AKAP9: variants seen among roughly 807,000 people sequenced by gnomAD.
AKAP9 encodes A-kinase anchoring protein 9, also known as A-kinase anchor protein 9.
A neutral mutation model predicts 488.5 loss-of-function variants in AKAP9; 311 were observed. That is an observed-to-expected ratio of 0.64 (90% CI 0.58 to 0.70). The LOEUF is 0.70. Among genes scored for constraint, AKAP9 ranks in the 30% least tolerant of loss-of-function variants. AKAP9 has a pLI of 0.00. For missense variants in AKAP9, 4,215 were observed against 4,374.5 expected, an observed-to-expected ratio of 0.96 and a Z score of 1.03; for synonymous variants, 1,462 against 1,483.5, an observed-to-expected ratio of 0.99 and a Z score of 0.33.
chr7:91,967,039 A>G (rs1394235901), intron 1 of AKAP9, among the ~76,000 whole-genome samples: 2 of 151,856 alleles, frequency 1.3e-5, no homozygotes, highest in African/African-American at 4.8e-5. Flanking sequence ...TTACTTCTTT[A>G]GTTAAATTGA....
intron 1 of AKAP9, among the ~76,000 whole-genome samples, chr7:91,945,297 AGGAGTTTGAGACCAGCCT>A (rs1554369331): frequency 6.6e-6 from 1 of 152,228 alleles, no homozygotes; most frequent in Non-Finnish European, 1.5e-5. Flanking sequence ...ATCTGAGGTC[AGGAGTTTGAGACCAGCCT>A]GGCCAACATG....
chr7:92,036,341 G>A (rs546040335), intron 16 of AKAP9, among the ~76,000 whole-genome samples: 1 of 151,554 alleles, frequency 6.6e-6, no homozygotes, highest in South Asian at 2.1e-4. Context: ...AGATGGGTCT[G>A]TCAGCCAGGC....
At chr7:91,945,404 G>A (rs1791342296) in intron 1 of AKAP9, among the ~76,000 whole-genome samples, 1 of 152,166 alleles carries the variant, frequency 6.6e-6, no homozygotes. Flanking sequence ...CTACTGGGGA[G>A]GTGGAGGCAG....
At chr7:92,016,911 C>G (rs909046521) in intron 11 of AKAP9, 106 bp from the exon 12 acceptor site, 15 of 828,374 alleles carry the variant, frequency 1.8e-5, no homozygotes, top group Admixed American at 6.3e-5. Context: ...AGGTTTACTT[C>G]TAGCAGGCAA....
At chr7:91,984,576 T>A (rs1441967470) in intron 3 of AKAP9, among the ~76,000 whole-genome samples, 1 of 152,216 alleles carries the variant, frequency 6.6e-6, no homozygotes, top group Non-Finnish European at 1.5e-5. Context: ...TGCCCCCAGC[T>A]TTGTTCCTTT....
Position 92,083,152 on chromosome 7 carries a change from C to G in AKAP9, c.8161-18C>G, listed in dbSNP as rs1300494232. On this transcript the variant is annotated intron_variant, in intron 32 of 49. Coordinates refer to ENST00000356239, the MANE Select transcript of AKAP9 (RefSeq NM_005751.5). The stretch of plus-strand genomic sequence containing the variant: ...GATTTTAACTGAATGCCCTACTGTT[C>G]TATTCATTACGTTTTAGGTAAAAGA... 3.7e-6 allele frequency: 6 copies of G among 1,612,920 alleles called. No individual in the cohort carries two copies. Among genetic ancestry groups the G allele is most frequent in the South Asian group, 1.1e-5 (1 of 90,878 alleles).
chr7:92,094,725 C>T (rs1044467096), intron 39 of AKAP9, among the ~76,000 whole-genome samples: 1 of 149,020 alleles, frequency 6.7e-6, no homozygotes, highest in African/African-American at 2.5e-5. Flanking sequence ...CCCAGCTACC[C>T]GGGAGGCTGA....
chr7:91,981,797 G>T (rs1014328057), intron 3 of AKAP9, among the ~76,000 whole-genome samples: 1 of 151,556 alleles, frequency 6.6e-6, no homozygotes, highest in Non-Finnish European at 1.5e-5. Context: ...GTAGAGACGG[G>T]GTTTCACCAT....
chr7:91,959,896 C>T (rs1793522714), intron 1 of AKAP9, among the ~76,000 whole-genome samples: 1 of 152,116 alleles, frequency 6.6e-6, no homozygotes, highest in Admixed American at 6.6e-5. Context: ...TTTAAAGCAT[C>T]CTTAAAATGT....
At chr7:92,062,646 A>C (rs548451581) in intron 24 of AKAP9, among the ~76,000 whole-genome samples, 160 bp downstream of exon 24, 1 of 152,234 alleles carries the variant, frequency 6.6e-6, no homozygotes, top group African/African-American at 2.4e-5. Flanking sequence ...TAAATGTCTT[A>C]TTAGCCAATC....
intron 18 of AKAP9, 106 bp downstream of exon 18, chr7:92,041,004 A>ATTT (rs34494828): frequency 3.3e-4 from 254 of 759,476 alleles, no homozygotes; most frequent in Non-Finnish European, 3.7e-4. Flanking sequence ...TGTAGCCATA[A>ATTT]TTTTTTTTTT....
chr7:91,969,156 C>T (rs1189111924), intron 1 of AKAP9, among the ~76,000 whole-genome samples: 4 of 152,114 alleles, frequency 2.6e-5, no homozygotes, highest in Admixed American at 6.5e-5. Flanking sequence ...ACTCAAAGTG[C>T]TGGGATTACA....
At chr7:91,992,520 C>T (rs1359652284) in intron 4 of AKAP9, among the ~76,000 whole-genome samples, 4 of 151,878 alleles carry the variant, frequency 2.6e-5, no homozygotes, top group East Asian at 3.9e-4. Flanking sequence ...AAAAATTAGC[C>T]GGGCATGGTG....
intron 3 of AKAP9, among the ~76,000 whole-genome samples, chr7:91,981,958 G>A (rs1040950665): frequency 6.6e-6 from 1 of 152,082 alleles, no homozygotes; most frequent in African/African-American, 2.4e-5. Flanking sequence ...TAAACTGCCT[G>A]TATCTCTGGG....
In AKAP9 at chr7:92,038,765, G is replaced by C; in HGVS notation, c.4685G>C (p.Arg1562Thr). 1 of 1,599,964 alleles carries C rather than the reference G, an allele frequency of 6.3e-7. No homozygotes were observed. The highest frequency in any genetic ancestry group is 8.5e-7 in the Non-Finnish European group (1 of 1,171,540). Residue 1562 changes from arginine to threonine, a missense_variant, in exon 17 of 50, where the codon AGA becomes ACA. By Grantham distance (71) the Arg-to-Thr change is moderately conservative. Coordinates refer to ENST00000356239, the MANE Select transcript of AKAP9 (RefSeq NM_005751.5). The part of the protein sequence containing the change: ...MFSKDKTFIV[R>T]QSIHDEISVS... ...TCCAAAGATAAAACATTTATAGTTA[G>C]ACAGTCTGTAAGTATGCCTCCTTGA...
rs760060297 is a variant in AKAP9, at chr7:92,061,221, CTT to C, written c.5602-37_5602-36del. 46 of 1,606,086 alleles carry C rather than the reference CTT, an allele frequency of 2.9e-5. No individual in the cohort carries two copies. The Admixed American group carries it at 4.0e-4, about 14-fold the overall frequency. ...AGGGAATGAAACTAGTATTTCCACA[CTT>C]TATTTTCTTTTATGTATTGTTTCCC... On this transcript the variant is annotated intron_variant, in intron 22 of 49. Transcript: ENST00000356239.
At chr7:92,047,793 TAAG>T (rs1312993551) in intron 21 of AKAP9, among the ~76,000 whole-genome samples, 1 of 152,236 alleles carries the variant, frequency 6.6e-6, no homozygotes, top group African/African-American at 2.4e-5. Context: ...AATCCACAGT[TAAG>T]AAATATAGTG....
intron 14 of AKAP9, among the ~76,000 whole-genome samples, chr7:92,024,984 T>G (rs1475543766): frequency 6.6e-6 from 1 of 152,170 alleles, no homozygotes; most frequent in African/African-American, 2.4e-5. Context: ...TTTTTGAACT[T>G]TAATATAATT....
Position 92,052,903 on chromosome 7 carries a change from G to T in AKAP9, c.5546G>T (p.Arg1849Leu), listed in dbSNP as rs1438779411. Residue 1849 changes from arginine to leucine, a missense_variant, in exon 22 of 50, where the codon CGA (arginine) becomes CTA (leucine). By Grantham distance (102) the Arg-to-Leu change is moderately radical. Transcript: ENST00000356239. ...GAACTTATGCTGAACATTAGCTCTC[G>T]ACTACAAGCAGCAGTTGAAAAACTC... is the stretch of plus-strand genomic sequence containing the variant. Reference protein sequence around the residue: ...NEELMLNISSRLQAAVEKLLE... With the variant: ...NEELMLNISSLLQAAVEKLLE... 1 of 1,613,746 alleles carries T rather than the reference G, an allele frequency of 6.2e-7. No individual in the cohort carries two copies. The highest frequency in any genetic ancestry group is 8.5e-7 in the Non-Finnish European group (1 of 1,179,830).
Sources: gnomAD v4.1 joint callset for allele counts (sites outside exome capture counted in the v4.1 genomes callset) on GRCh38, gnomAD v4.1.1 for gene constraint, MANE v1.5 for transcripts, NCBI Gene and HGNC (gene_info 2026-07-23, HGNC 2026-07-21) for gene names.